The following TARBP1 variants were observed in gnomAD, a reference collection of about 807,000 sequenced individuals.
TARBP1 encodes the protein tRNA (guanosine(18)-2'-O)-methyltransferase TARBP1.
In TARBP1, 144 loss-of-function variants were observed where a neutral mutation model predicts 178.6. The ratio of observed to expected loss-of-function variants is 0.81; its 90% confidence interval spans 0.70 to 0.93. The LOEUF is 0.93. Ranked by LOEUF, TARBP1 falls within the 40% of genes least tolerant of loss-of-function variation. The pLI is 0.00. For synonymous variants in TARBP1, 787 were observed against 781.0 expected (o/e 1.01, Z -0.13); for missense variants, 2,067 against 2,011.7 (o/e 1.03, Z -0.53).
chr1:234,476,616 C>T (rs1343638272), intron 1 of TARBP1, among the ~76,000 whole-genome samples: 2 of 152,176 alleles, frequency 1.3e-5, no homozygotes, highest in Non-Finnish European at 2.9e-5. Context: ...ACGTCAAAAT[C>T]ATATGAAAAA....
intron 9 of TARBP1, among the ~76,000 whole-genome samples, chr1:234,451,303 A>G (rs967827280): frequency 1.3e-5 from 2 of 152,234 alleles, no homozygotes; most frequent in Admixed American, 6.5e-5. Context: ...AGCAAATTCA[A>G]TAACTGAGTT....
intron 17 of TARBP1, among the ~76,000 whole-genome samples, chr1:234,428,686 C>T (rs1289010239): frequency 6.6e-6 from 1 of 152,122 alleles, no homozygotes; most frequent in Non-Finnish European, 1.5e-5. Flanking sequence ...GCTGGGATTA[C>T]AGGCGTGCGC....
chr1:234,408,198 AG>A (rs1439547800), intron 23 of TARBP1, among the ~76,000 whole-genome samples: 1 of 151,580 alleles, frequency 6.6e-6, no homozygotes, highest in Non-Finnish European at 1.5e-5. Flanking sequence ...TAATTAAGAA[AG>A]GTTTTTTTTT....
intron 9 of TARBP1, among the ~76,000 whole-genome samples, chr1:234,453,838 A>G (rs961215882): frequency 5.3e-5 from 8 of 152,180 alleles, no homozygotes; most frequent in African/African-American, 1.7e-4. Flanking sequence ...TCTCTCACTG[A>G]CCACTGTATT....
At position 234,460,246 on chromosome 1, in the gene TARBP1, TAC is replaced by T; in HGVS notation, c.1535+13_1535+14del. 6.2e-7 allele frequency: 1 copy of T among 1,611,280 alleles called. No homozygotes were observed. The highest frequency in any genetic ancestry group is 8.5e-7 in the Non-Finnish European group (1 of 1,179,310). Reference sequence around the variant, plus strand: ...TGGCAAATAACCATACAAGTACATATACAGAGTAAATTACCTGAGAGCAAGAA... The same window carrying T: ...TGGCAAATAACCATACAAGTACATATAGAGTAAATTACCTGAGAGCAAGAA... On this transcript the variant is annotated intron_variant, in intron 7 of 29. Transcript: ENST00000040877.
At chr1:234,409,207 A>C (rs1661563268) in intron 23 of TARBP1, among the ~76,000 whole-genome samples, 1 of 152,020 alleles carries the variant, frequency 6.6e-6, no homozygotes, top group South Asian at 2.1e-4. Flanking sequence ...ACTAATTAGC[A>C]TTCCTTTTTG....
chr1:234,472,620 TGA>T, intron 2 of TARBP1, 92 bp downstream of exon 2: 2 of 766,590 alleles, frequency 2.6e-6, no homozygotes, highest in Non-Finnish European at 4.1e-6. Context: ...CAGCTATATC[TGA>T]GTTAGTCTCT....
intron 24 of TARBP1, chr1:234,405,187 T>C (rs931539706): frequency 6.6e-6 from 1 of 152,178 alleles, no homozygotes; most frequent in Non-Finnish European, 1.5e-5. Context: ...TTTATGTTGG[T>C]TGATATTGCC....
rs1381465377 is a variant in TARBP1, at chr1:234,398,433, G to C, written c.4192C>G (p.Gln1398Glu). The part of the protein sequence containing the change: ...LAAGFQWYLS[Q>E]TQLSKLKPGD... ...GGTTTTAGTTTACTAAGTTGAGTTT[G>C]AGAAAGGTACCACTGAAATCCCGCA... The change falls in exon 26 of 30, where the codon CAA (glutamine) becomes GAA (glutamate). Residue 1398 changes from glutamine (Q) to glutamate (E), a missense_variant. Transcript: ENST00000040877. 1.2e-6 allele frequency: 2 copies of C among 1,611,820 alleles called. No individual in the cohort carries two copies. The highest frequency in any genetic ancestry group is 1.7e-6 in the Non-Finnish European group (2 of 1,178,614).
In TARBP1 at chr1:234,459,404, T is replaced by C. The variant is rs747085220; in HGVS notation, c.1536-78A>G. 8.8e-6 allele frequency: 10 copies of C among 1,142,648 alleles called. No individual in the cohort carries two copies. In the Admixed American group the frequency reaches 1.1e-4, roughly 12 times the overall value. 70.8% of individuals were successfully genotyped at this position (1,142,648 alleles called of 1,614,324 possible). ...TAATTTGTGATTATCAACAAGTTGA[T>C]TTATAACAACTACACTTCCTAATGC... On this transcript the variant is annotated intron_variant, in intron 7 of 29. Transcript: ENST00000040877.
chr1:234,470,749 GGGACTACA>G (rs1210459604), intron 3 of TARBP1, among the ~76,000 whole-genome samples: 2 of 151,972 alleles, frequency 1.3e-5, no homozygotes, highest in African/African-American at 4.8e-5. Flanking sequence ...TCGAGTAGCT[GGGACTACA>G]GGCACACACC....
At chr1:234,467,306 A>G (rs1668544871) in intron 4 of TARBP1, among the ~76,000 whole-genome samples, 196 bp downstream of exon 4, 1 of 152,218 alleles carries the variant, frequency 6.6e-6, no homozygotes, top group Admixed American at 6.5e-5. Flanking sequence ...CACAATGGTA[A>G]TAATACAGGC....
intron 5 of TARBP1, among the ~76,000 whole-genome samples, chr1:234,465,069 C>CGGAT (rs34607418): frequency 0.042 from 6,326 of 150,744 alleles, 165 homozygotes; most frequent in Middle Eastern, 0.066. Flanking sequence ...GATGGATGAA[C>CGGAT]GGATGGATGG....
chr1:234,466,812 G>A (rs1304486139), intron 4 of TARBP1, among the ~76,000 whole-genome samples: 2 of 151,888 alleles, frequency 1.3e-5, no homozygotes, highest in Admixed American at 6.6e-5. Context: ...GCACTGAGCC[G>A]AGATCATGCC....
At chr1:234,433,644 CAGG>C (rs1664706015) in intron 13 of TARBP1, 73 bp from the exon 14 acceptor site, 6 of 1,438,534 alleles carry the variant, frequency 4.2e-6, no homozygotes, top group Non-Finnish European at 5.6e-6. Flanking sequence ...AGCCTTCAGG[CAGG>C]AGAAGTTTAC....
chr1:234,430,390 C>T, intron 14 of TARBP1, 89 bp from the exon 15 acceptor site: 1 of 1,186,540 alleles, frequency 8.4e-7, no homozygotes, highest in Non-Finnish European at 1.2e-6. Flanking sequence ...AAAGCTCAAG[C>T]TCTCCTTTTC....
intron 22 of TARBP1, among the ~76,000 whole-genome samples, chr1:234,414,963 G>A (rs12135161): frequency 0.066 from 10,098 of 151,992 alleles, 401 homozygotes; most frequent in Middle Eastern, 0.15. Context: ...CAGTCTGGGC[G>A]ACAGAGCGAG....
Position 234,478,479 on chromosome 1 carries a change from C to T in TARBP1, c.625G>A (p.Ala209Thr). The T allele has an allele frequency of 7.2e-7, 1 of 1,380,696 alleles. No individual in the cohort carries two copies. The highest frequency in any genetic ancestry group is 9.4e-7 in the Non-Finnish European group (1 of 1,064,150). The allele number at this position is 1,380,696 out of a possible 1,614,324, so 85.5% of individuals were successfully genotyped here. ...GGCGCGGCCAGCCCGCCCCACACGGCCCGCAGCGCCGCCCCGCCACATTGG... is the reference window on the plus strand; with the variant it reads ...GGCGCGGCCAGCCCGCCCCACACGGTCCGCAGCGCCGCCCCGCCACATTGG... Reference protein sequence around the residue: ...LVQCGGAALRAVWGGLAAPGA... With the variant: ...LVQCGGAALRTVWGGLAAPGA... The change falls in exon 1 of 30, where the codon GCC becomes ACC. Residue 209 changes from alanine to threonine, a missense_variant. Transcript: ENST00000040877.
chr1:234,392,941 G>A (rs1358778408), intron 28 of TARBP1, among the ~76,000 whole-genome samples: 2 of 152,092 alleles, frequency 1.3e-5, no homozygotes, highest in African/African-American at 2.4e-5. Flanking sequence ...GGATGGTCTC[G>A]ATCTCCTGAG....
Sources: allele counts gnomAD v4.1 joint callset (sites outside exome capture counted in the v4.1 genomes callset), GRCh38; gene constraint gnomAD v4.1.1; transcripts MANE v1.5; gene names NCBI Gene and HGNC (gene_info 2026-07-23, HGNC 2026-07-21).